The following SYT2 variants were observed in gnomAD, a reference collection of about 807,000 sequenced individuals.
SYT2 encodes synaptotagmin-2.
A neutral mutation model predicts 39.9 loss-of-function variants in SYT2; 15 were observed. The observed-to-expected ratio is 0.38, with a 90% CI of 0.25 to 0.58. SYT2 has a LOEUF of 0.58. Among genes scored for constraint, SYT2 ranks in the 20% least tolerant of loss-of-function variants. The probability of loss-of-function intolerance (pLI) is 0.70; values close to 1 mark genes in which losing one functional copy is unlikely to be tolerated. For synonymous variants in SYT2, 181 were observed against 204.5 expected (o/e 0.89, Z 0.98); for missense variants, 389 against 530.3 (o/e 0.73, Z 2.62).
intron 1 of SYT2, among the ~76,000 whole-genome samples, chr1:202,624,057 C>T (rs371861186): frequency 1.4e-4 from 21 of 152,352 alleles, no homozygotes; most frequent in South Asian, 1.0e-3. Flanking sequence ...TGCCGATCAC[C>T]GCCCCTCTAA....
intron 1 of SYT2, among the ~76,000 whole-genome samples, chr1:202,619,150 A>G (rs1691134672): frequency 1.3e-5 from 2 of 152,112 alleles, no homozygotes; most frequent in Non-Finnish European, 2.9e-5. Flanking sequence ...TGTGAGGGAG[A>G]GCCAAATTAT....
chr1:202,668,115 G>C (rs1572668341), intron 1 of SYT2, among the ~76,000 whole-genome samples: 1 of 152,212 alleles, frequency 6.6e-6, no homozygotes, highest in East Asian at 1.9e-4. Context: ...GAACAGAATA[G>C]AGGCAGAAGA....
At chr1:202,597,094 T>G in intron 8 of SYT2, 131 bp from the exon 9 acceptor site, 2 of 739,358 alleles carry the variant, frequency 2.7e-6, no homozygotes, top group Non-Finnish European at 2.2e-6. Flanking sequence ...GTTTCATCTC[T>G]GCTCCAGTGA....
At chr1:202,600,730 G>C (rs1038903345) in intron 6 of SYT2, among the ~76,000 whole-genome samples, 1 of 152,222 alleles carries the variant, frequency 6.6e-6, no homozygotes, top group East Asian at 1.9e-4. Flanking sequence ...ACAGATGAGG[G>C]GGGTAGAGGA....
chr1:202,610,940 C>A (rs1572622239), intron 1 of SYT2, among the ~76,000 whole-genome samples: 2 of 151,998 alleles, frequency 1.3e-5, no homozygotes. Context: ...ATCAAGCTAC[C>A]AATGACTTTC....
chr1:202,687,909 T>C (rs540923913), intron 1 of SYT2, among the ~76,000 whole-genome samples: 1 of 151,812 alleles, frequency 6.6e-6, no homozygotes, highest in African/African-American at 2.4e-5. Context: ...GAACTGAAGC[T>C]GAAATAAGCA....
chr1:202,658,078 C>A (rs1199071744), intron 1 of SYT2, among the ~76,000 whole-genome samples: 1 of 152,090 alleles, frequency 6.6e-6, no homozygotes, highest in African/African-American at 2.4e-5. Flanking sequence ...GTCACCTTTC[C>A]TCTCTGGGTC....
intron 1 of SYT2, among the ~76,000 whole-genome samples, chr1:202,629,571 AGAGGT>A (rs1456140089): frequency 2.6e-5 from 4 of 152,292 alleles, no homozygotes; most frequent in Admixed American, 2.0e-4. Flanking sequence ...TGGGATGTGA[AGAGGT>A]GAGGTTGCCC....
At chr1:202,694,801 C>T (rs926580964) in intron 1 of SYT2, among the ~76,000 whole-genome samples, 4 of 151,878 alleles carry the variant, frequency 2.6e-5, no homozygotes, top group Admixed American at 2.6e-4. Flanking sequence ...CCTCCTCCTC[C>T]TTCTCTCCCC....
chr1:202,668,008 GC>G lies in SYT2; in HGVS notation c.-18+42249del, dbSNP rs1692513983. Among the ~76,000 whole-genome samples the G allele has an allele frequency of 2.6e-5, 4 of 152,334 alleles. No homozygotes were observed. The South Asian group carries it at 8.3e-4, about 32-fold the overall frequency. ...TTACAGGCGTGAGCCATCGCGCCCG[GC>G]CCAGATATTTTCAGGCAATCCTCCC... On this transcript the variant is annotated intron_variant, in intron 1 of 8. Transcript: ENST00000367268.
intron 1 of SYT2, among the ~76,000 whole-genome samples, chr1:202,606,256 G>A (rs1690705300): frequency 6.6e-6 from 1 of 152,112 alleles, no homozygotes; most frequent in African/African-American, 2.4e-5. Context: ...TTTTTCCAAG[G>A]TCACTTAGCT....
chr1:202,684,001 C>A (rs12755568), intron 1 of SYT2, among the ~76,000 whole-genome samples: 40,285 of 151,620 alleles, frequency 0.27, 5,754 homozygotes, highest in East Asian at 0.4. Flanking sequence ...ATCATATTAA[C>A]TATTTATGTT....
chr1:202,618,374 T>C (rs143748130), intron 1 of SYT2, among the ~76,000 whole-genome samples: 2 of 148,232 alleles, frequency 1.3e-5, no homozygotes, highest in Non-Finnish European at 3.0e-5. Flanking sequence ...CAAGCATAGA[T>C]TGGGAAGGAA....
intron 1 of SYT2, among the ~76,000 whole-genome samples, chr1:202,642,669 C>T (rs565909207): frequency 6.6e-6 from 1 of 152,340 alleles, no homozygotes; most frequent in Non-Finnish European, 1.5e-5. Context: ...AAGGCGGGGG[C>T]GCTCAGAAAG....
In SYT2 at chr1:202,628,044, A is replaced by G. The variant is rs994074111; in HGVS notation, c.-17-22255T>C. 9.9e-5 allele frequency among the ~76,000 whole-genome samples: 15 copies of G among 152,204 alleles called. No individual in the cohort carries two copies. The highest frequency in any genetic ancestry group is 3.6e-4 in the African/African-American group (15 of 41,554). On this transcript the variant is annotated intron_variant, in intron 1 of 8. Coordinates refer to ENST00000367268, the MANE Select transcript of SYT2 (RefSeq NM_177402.5). This position sits in a 1 kb window ranked among gnomAD's most constrained non-coding sequence, Gnocchi z 4.2. ...AGGGAGCTCCTCAAGCACACTGGGAAGGTGGGTCTAACGGGAAGATCACAA... is the reference window on the plus strand; with the variant it reads ...AGGGAGCTCCTCAAGCACACTGGGAGGGTGGGTCTAACGGGAAGATCACAA...
At chr1:202,660,846 T>C (rs1011246847) in intron 1 of SYT2, among the ~76,000 whole-genome samples, 2 of 152,038 alleles carry the variant, frequency 1.3e-5, no homozygotes, top group Non-Finnish European at 2.9e-5. Context: ...AGCCCATCGC[T>C]CCCAGGTAAT....
intron 1 of SYT2, among the ~76,000 whole-genome samples, chr1:202,616,841 T>TC (rs1366605685): frequency 2.0e-5 from 3 of 152,188 alleles, no homozygotes; most frequent in African/African-American, 7.2e-5. Flanking sequence ...ATCAGTGCCA[T>TC]CCTCTTCTGT....
chr1:202,623,572 C>T lies in SYT2; in HGVS notation c.-17-17783G>A, dbSNP rs925196513. On this transcript the variant is annotated intron_variant, in intron 1 of 8. Transcript: ENST00000367268. The surrounding 1 kb of genome is among the most constrained non-coding windows in gnomAD (Gnocchi z 4.2). ...AGCAGGCCGGGAAGGGTGGGCGACCCGGAATGAGTGATTGAGTGGGGACAG... is the reference window on the plus strand; with the variant it reads ...AGCAGGCCGGGAAGGGTGGGCGACCTGGAATGAGTGATTGAGTGGGGACAG... Among the ~76,000 whole-genome samples, 7 of 152,206 alleles carry T rather than the reference C, an allele frequency of 4.6e-5. No homozygotes were observed. The highest frequency in any genetic ancestry group is 9.7e-5 in the African/African-American group (4 of 41,442).
intron 1 of SYT2, chr1:202,639,857 A>G: frequency 2.0e-6 from 2 of 983,572 alleles, no homozygotes; most frequent in South Asian, 9.4e-5. Context: ...GTGCATGGTG[A>G]CAACTGCAGG....
Sources: gnomAD v4.1 joint callset for allele counts (sites outside exome capture counted in the v4.1 genomes callset) on GRCh38, gnomAD v4.1.1 for gene constraint, Gnocchi (gnomAD v3.1) non-coding constraint, MANE v1.5 for transcripts, NCBI Gene and HGNC (gene_info 2026-07-23, HGNC 2026-07-21) for gene names.